The following CPE variants were observed in gnomAD, a reference collection of about 807,000 sequenced individuals.
CPE encodes carbocypeptidase E.
CPE carries 17 observed loss-of-function variants against 53.5 expected under a neutral mutation model. The observed-to-expected ratio is 0.32, with a 90% CI of 0.22 to 0.48. CPE has a LOEUF of 0.48. Ranked by LOEUF, CPE falls within the 20% of genes least tolerant of loss-of-function variation. CPE has a pLI of 0.99. For synonymous variants in CPE, 226 were observed against 228.8 expected, an observed-to-expected ratio of 0.99 and a Z score of 0.11; for missense variants, 524 against 614.7, an observed-to-expected ratio of 0.85 and a Z score of 1.56.
Position 165,497,504 on chromosome 4 carries a change from T to C in CPE, c.1333-8T>C. Reference sequence around the variant, plus strand: ...TGATAATAATATGTTCTTGATTTTCTCTTTTAGGTTGATTTTGAACTGGAG... The same window carrying C: ...TGATAATAATATGTTCTTGATTTTCCCTTTTAGGTTGATTTTGAACTGGAG... On this transcript the variant is annotated splice_polypyrimidine_tract_variant and splice_region_variant and intron_variant, in intron 8 of 8. Coordinates refer to ENST00000402744, the MANE Select transcript of CPE (RefSeq NM_001873.4). 6.7e-7 allele frequency: 1 copy of C among 1,486,886 alleles called. No homozygotes were observed. Among genetic ancestry groups the C allele is most frequent in the South Asian group, 1.4e-5 (1 of 70,864 alleles). 92.1% of individuals were successfully genotyped at this position (1,486,886 alleles called of 1,614,324 possible).
intron 1 of CPE, among the ~76,000 whole-genome samples, chr4:165,389,939 C>T (rs1278924113): frequency 6.6e-6 from 1 of 152,126 alleles, no homozygotes; most frequent in East Asian, 1.9e-4. Context: ...TCAGAGTGAA[C>T]CATCTGGTGC....
chr4:165,384,378 C>G (rs1730553576), intron 1 of CPE, among the ~76,000 whole-genome samples: 1 of 152,188 alleles, frequency 6.6e-6, no homozygotes, highest in Non-Finnish European at 1.5e-5. Context: ...GCTGGTGGCT[C>G]ACACCTGGTT....
chr4:165,491,687 C>T (rs1560898063), intron 6 of CPE, among the ~76,000 whole-genome samples: 1 of 151,958 alleles, frequency 6.6e-6, no homozygotes, highest in African/African-American at 2.4e-5. Flanking sequence ...CTATTTGCAA[C>T]ATTAAAAAAT....
intron 1 of CPE, chr4:165,415,105 A>G (rs1731100885): frequency 6.0e-6 from 1 of 166,826 alleles, no homozygotes; most frequent in African/African-American, 2.4e-5. Flanking sequence ...ATAATTAATG[A>G]AAATGTTAAT....
intron 3 of CPE, among the ~76,000 whole-genome samples, chr4:165,471,364 T>C (rs1579276862): frequency 1.3e-5 from 2 of 152,322 alleles, no homozygotes; most frequent in East Asian, 3.9e-4. Flanking sequence ...CTGCTGAGAA[T>C]AGAATCTAAT....
chr4:165,471,703 T>C (rs2126705074), intron 3 of CPE, among the ~76,000 whole-genome samples: 1 of 152,304 alleles, frequency 6.6e-6, no homozygotes, highest in South Asian at 2.1e-4. Context: ...AGGTCCTAAA[T>C]AACCTGGGGC....
At chr4:165,403,513 C>A (rs1441610124) in intron 1 of CPE, among the ~76,000 whole-genome samples, 1 of 152,046 alleles carries the variant, frequency 6.6e-6, no homozygotes, top group Non-Finnish European at 1.5e-5. Context: ...GGCCCCAGCT[C>A]TAAAATCCTA....
chr4:165,391,776 A>G (rs1171112452), intron 1 of CPE, among the ~76,000 whole-genome samples: 1 of 152,156 alleles, frequency 6.6e-6, no homozygotes, highest in East Asian at 1.9e-4. Context: ...AGGGAACAAG[A>G]AACAACAGTA....
chr4:165,449,537 T>C (rs932809202), intron 1 of CPE, among the ~76,000 whole-genome samples: 1 of 152,080 alleles, frequency 6.6e-6, no homozygotes, highest in Non-Finnish European at 1.5e-5. Flanking sequence ...GGCAGAAGTG[T>C]GGTTGGTTGA....
intron 1 of CPE, among the ~76,000 whole-genome samples, chr4:165,452,890 C>A (rs1731836299): frequency 6.6e-6 from 1 of 152,190 alleles, no homozygotes; most frequent in Non-Finnish European, 1.5e-5. Context: ...TGAAGGATGA[C>A]CTTGGGAATG....
chr4:165,406,179 G>A (rs2053277), intron 1 of CPE: 9,468 of 710,592 alleles, frequency 0.013, 216 homozygotes, highest in East Asian at 0.092. Flanking sequence ...CTTTGAATGG[G>A]GAGAGTTAAT....
intron 1 of CPE, among the ~76,000 whole-genome samples, chr4:165,408,341 T>G (rs1184406424): frequency 6.6e-6 from 1 of 152,216 alleles, no homozygotes; most frequent in Non-Finnish European, 1.5e-5. Context: ...TTTTATCGGA[T>G]AAGTAGAGGG....
chr4:165,379,291 G>C lies in CPE; in HGVS notation c.70G>C (p.Gly24Arg), dbSNP rs1579234490. The change falls in exon 1 of 9, where the codon GGC (glycine) becomes CGC (arginine). Residue 24 changes from glycine (G) to arginine (R), a missense_variant. Gly to Arg is a moderately radical substitution (Grantham distance 125). Coordinates refer to ENST00000402744, the MANE Select transcript of CPE (RefSeq NM_001873.4). This position sits in a 1 kb window ranked among gnomAD's most constrained non-coding sequence, Gnocchi z 6.0. ...ACTGGCTGCCTGCGGGTGGCTCCTGGGCGCCGAAGCCCAGGAGCCCGGGGC... is the reference window on the plus strand; with the variant it reads ...ACTGGCTGCCTGCGGGTGGCTCCTGCGCGCCGAAGCCCAGGAGCCCGGGGC... ...GALAACGWLL[G>R]AEAQEPGAPA... 2 of 1,506,688 alleles carry C rather than the reference G, an allele frequency of 1.3e-6. No homozygotes were observed. The highest frequency in any genetic ancestry group is 1.4e-5 in the African/African-American group (1 of 70,684). 93.3% of individuals were successfully genotyped at this position (1,506,688 alleles called of 1,614,324 possible). A position where few individuals can be genotyped will look rare whatever the true frequency, so the allele number is the denominator to read the frequency against.
chr4:165,439,533 T>A (rs536413875), intron 1 of CPE, among the ~76,000 whole-genome samples: 2 of 150,768 alleles, frequency 1.3e-5, no homozygotes, highest in Non-Finnish European at 2.9e-5. Flanking sequence ...AAAGGAACAA[T>A]GTGTTGTGGC....
chr4:165,443,969 A>G (rs1731659140), intron 1 of CPE, among the ~76,000 whole-genome samples: 3 of 152,120 alleles, frequency 2.0e-5, no homozygotes, highest in African/African-American at 7.2e-5. Flanking sequence ...CGAACCATAA[A>G]GGGGGCCTTT....
chr4:165,404,089 G>A (rs896639699), intron 1 of CPE: 4 of 933,016 alleles, frequency 4.3e-6, no homozygotes, highest in Non-Finnish European at 7.1e-6. Flanking sequence ...TCTTGTTAGG[G>A]CTGTTAGTGT....
chr4:165,386,951 C>G (rs28429498), intron 1 of CPE, among the ~76,000 whole-genome samples: 74 of 152,250 alleles, frequency 4.9e-4, no homozygotes, highest in African/African-American at 1.8e-3. Flanking sequence ...GAGGTTTATC[C>G]GAGCTACGTG....
At chr4:165,487,184 T>C (rs1353952542) in intron 5 of CPE, among the ~76,000 whole-genome samples, 3 of 152,236 alleles carry the variant, frequency 2.0e-5, no homozygotes, top group Non-Finnish European at 4.4e-5. Context: ...AGGTGGGTAA[T>C]GTCTGCATTA....
chr4:165,456,469 A>G (rs181770943), intron 1 of CPE, among the ~76,000 whole-genome samples: 2 of 152,306 alleles, frequency 1.3e-5, no homozygotes, highest in Middle Eastern at 3.4e-3. Context: ...GAAATGAAAC[A>G]AAAAGAAAAG....
Sources: allele counts gnomAD v4.1 joint callset (sites outside exome capture counted in the v4.1 genomes callset), GRCh38; gene constraint gnomAD v4.1.1; non-coding constraint Gnocchi (gnomAD v3.1); transcripts MANE v1.5; gene names NCBI Gene and HGNC (gene_info 2026-07-23, HGNC 2026-07-21).